FNBP1: variants seen among roughly 807,000 people sequenced by gnomAD.
The protein encoded by FNBP1 is formin binding protein 1.
A neutral mutation model predicts 90.6 loss-of-function variants in FNBP1; 26 were observed. That is an observed-to-expected ratio of 0.29 (90% CI 0.21 to 0.40). The LOEUF (loss-of-function observed/expected upper bound fraction) is 0.40, where lower values mean the gene tolerates loss of function less well. Among genes scored for constraint, FNBP1 ranks in the 10% least tolerant of loss-of-function variants. The pLI, the probability that FNBP1 is intolerant of heterozygous loss-of-function variation, is 1.00. For missense variants in FNBP1, 635 were observed against 768.0 expected (o/e 0.83, Z 2.05); for synonymous variants, 260 against 265.2 (o/e 0.98, Z 0.19).
At chr9:130,036,078 A>G (rs1420793734) in intron 1 of FNBP1, among the ~76,000 whole-genome samples, 1 of 152,228 alleles carries the variant, frequency 6.6e-6, no homozygotes, top group Non-Finnish European at 1.5e-5. Context: ...GTATGAGTGT[A>G]CAAGTAAAAC....
intron 2 of FNBP1, among the ~76,000 whole-genome samples, chr9:129,980,225 T>C (rs1456449850): frequency 2.6e-5 from 4 of 151,686 alleles, no homozygotes; most frequent in Non-Finnish European, 5.9e-5. Context: ...CTGGGCATGG[T>C]GGCGCATGCC....
At chr9:130,017,508 G>A (rs1343439346) in intron 1 of FNBP1, among the ~76,000 whole-genome samples, 1 of 152,132 alleles carries the variant, frequency 6.6e-6, no homozygotes, top group African/African-American at 2.4e-5. Context: ...AAATGTGAAT[G>A]TAATTAACAC....
chr9:130,029,856 G>A (rs934617055), intron 1 of FNBP1, among the ~76,000 whole-genome samples: 1 of 151,766 alleles, frequency 6.6e-6, no homozygotes, highest in Non-Finnish European at 1.5e-5. Flanking sequence ...TGGTGTTGCC[G>A]GCCTGTAGTC....
intron 12 of FNBP1, among the ~76,000 whole-genome samples, chr9:129,904,624 AC>A (rs935143752): frequency 6.6e-6 from 1 of 152,084 alleles, no homozygotes; most frequent in Admixed American, 6.6e-5. Flanking sequence ...AGTCCTCACC[AC>A]CCTCCACCTA....
At chr9:130,000,422 G>T (rs2054652529) in intron 1 of FNBP1, among the ~76,000 whole-genome samples, 1 of 152,042 alleles carries the variant, frequency 6.6e-6, no homozygotes, top group African/African-American at 2.4e-5. Flanking sequence ...ACCTGGGAAG[G>T]GGAGGTTGCT....
chr9:130,023,979 C>T (rs1198767120), intron 1 of FNBP1, among the ~76,000 whole-genome samples: 3 of 152,126 alleles, frequency 2.0e-5, no homozygotes, highest in East Asian at 1.9e-4. Context: ...TGCCTGATCT[C>T]GGCCACATCT....
At position 130,042,866 on chromosome 9, in the gene FNBP1, G is replaced by A. The variant is rs2059965353; in HGVS notation, c.24+86C>T. ...ACCAGCGCGCCCTCGCCTCCGCCCA[G>A]CAGCGCGGCCCGCGCCCCCTCCCCA... On this transcript the variant is annotated intron_variant, in intron 1 of 16. Transcript: ENST00000446176. The surrounding 1 kb of genome is among the most constrained non-coding windows in gnomAD (Gnocchi z 5.5). The A allele has an allele frequency of 3.0e-6, 3 of 993,008 alleles. No homozygotes were observed. In the African/African-American group the frequency reaches 5.1e-5, roughly 17 times the overall value. The allele number at this position is 993,008 out of a possible 1,614,324, so 61.5% of individuals were successfully genotyped here. A position where few individuals can be genotyped will look rare whatever the true frequency, so the allele number is the denominator to read the frequency against.
intron 1 of FNBP1, among the ~76,000 whole-genome samples, chr9:129,997,935 C>A (rs1322201019): frequency 6.6e-6 from 1 of 152,008 alleles, no homozygotes; most frequent in East Asian, 1.9e-4. Flanking sequence ...ATCCAAAATT[C>A]CAGCACTTTG....
chr9:129,980,098 C>T (rs529895363), intron 2 of FNBP1, among the ~76,000 whole-genome samples: 1 of 151,308 alleles, frequency 6.6e-6, no homozygotes, highest in South Asian at 2.1e-4. Flanking sequence ...CAGTGGCTCA[C>T]GCCTGTAATC....
chr9:130,008,439 G>A (rs1222395874), intron 1 of FNBP1, among the ~76,000 whole-genome samples: 1 of 152,122 alleles, frequency 6.6e-6, no homozygotes, highest in Non-Finnish European at 1.5e-5. Context: ...AACTTGAAGA[G>A]GAAAAGTATT....
intron 1 of FNBP1, among the ~76,000 whole-genome samples, chr9:130,009,153 G>C (rs892803028): frequency 6.6e-6 from 1 of 152,190 alleles, no homozygotes; most frequent in African/African-American, 2.4e-5. Context: ...CCTGGCATCT[G>C]AAACTTAGTT....
At chr9:129,979,243 A>G (rs2050809063) in intron 3 of FNBP1, 75 bp downstream of exon 3, 1 of 796,932 alleles carries the variant, frequency 1.3e-6, no homozygotes, top group Non-Finnish European at 2.1e-6. Context: ...TTTTATAGAC[A>G]TGTATTTCTC....
At chr9:130,050,139 A>G in the FNBP1 span, among the ~76,000 whole-genome samples, 1 of 152,236 alleles carries the variant, frequency 6.6e-6, no homozygotes. Flanking sequence ...TTTTTAGCTT[A>G]AAATTTCCAA....
At chr9:129,896,018 A>T in intron 15 of FNBP1, 22 bp from the exon 16 acceptor site, 2 of 1,582,368 alleles carry the variant, frequency 1.3e-6, no homozygotes, top group Non-Finnish European at 8.6e-7. Flanking sequence ...ATATCAGGAT[A>T]TGTTAGATGT....
At chr9:130,038,032 A>G (rs1363478448) in intron 1 of FNBP1, among the ~76,000 whole-genome samples, 1 of 152,118 alleles carries the variant, frequency 6.6e-6, no homozygotes, top group East Asian at 1.9e-4. Context: ...TATGCCTGGC[A>G]TGGTTCTAAA....
At chr9:129,948,981 A>G (rs1272773184) in intron 6 of FNBP1, among the ~76,000 whole-genome samples, 1 of 152,118 alleles carries the variant, frequency 6.6e-6, no homozygotes, top group African/African-American at 2.4e-5. Context: ...CGGACATGGT[A>G]TAATTTTCCC....
At chr9:129,994,309 C>T (rs748114241) in intron 2 of FNBP1, among the ~76,000 whole-genome samples, 3 of 152,150 alleles carry the variant, frequency 2.0e-5, no homozygotes, top group African/African-American at 4.8e-5. Context: ...AAGCCAGATA[C>T]ACAAGAATGC....
At chr9:129,911,324 T>C (rs1484984078) in intron 11 of FNBP1, among the ~76,000 whole-genome samples, 3 of 152,176 alleles carry the variant, frequency 2.0e-5, no homozygotes. Context: ...TCGTGCCCCA[T>C]ACCCTGAAGG....
Position 130,043,077 on chromosome 9 carries a change from A to G in FNBP1, c.-102T>C. 1 of 1,121,584 alleles carries G rather than the reference A, an allele frequency of 8.9e-7. No individual in the cohort carries two copies. Among genetic ancestry groups the G allele is most frequent in the Non-Finnish European group, 1.1e-6 (1 of 890,580 alleles). The allele number at this position is 1,121,584 out of a possible 1,614,324, so 69.5% of individuals were successfully genotyped here. On this transcript the variant is annotated 5_prime_UTR_variant, in exon 1 of 17. Coordinates refer to ENST00000446176, the MANE Select transcript of FNBP1 (RefSeq NM_015033.3). ...CCCCGAGATCCCCGCGACGGCGGAA[A>G]GCCCGGAGTCCGCGCGGCCTCCTCC...
Sources: allele counts gnomAD v4.1 joint callset (sites outside exome capture counted in the v4.1 genomes callset), GRCh38; gene constraint gnomAD v4.1.1; non-coding constraint Gnocchi (gnomAD v3.1); transcripts MANE v1.5; gene names NCBI Gene and HGNC (gene_info 2026-07-23, HGNC 2026-07-21).